CACNA1C: variants seen among roughly 807,000 people sequenced by gnomAD.
The protein encoded by CACNA1C is voltage-dependent L-type calcium channel subunit alpha-1C.
A neutral mutation model predicts 229.0 loss-of-function variants in CACNA1C; 30 were observed. That is an observed-to-expected ratio of 0.13 (90% CI 0.10 to 0.18). CACNA1C has a LOEUF of 0.18. Ranked by LOEUF, CACNA1C falls within the 10% of genes least tolerant of loss-of-function variation. The pLI, the probability that CACNA1C is intolerant of heterozygous loss-of-function variation, is 1.00. For synonymous variants in CACNA1C, 1,114 were observed against 1,132.5 expected, an observed-to-expected ratio of 0.98 and a Z score of 0.33; for missense variants, 1,658 against 2,845.0, an observed-to-expected ratio of 0.58 and a Z score of 9.49.
At chr12:2,025,043 T>C (rs531366805) in intron 1 of CACNA1C, among the ~76,000 whole-genome samples, 1 of 152,320 alleles carries the variant, frequency 6.6e-6, no homozygotes, top group Non-Finnish European at 1.5e-5. Context: ...TTTGTCACAG[T>C]GGAGGCTCCA....
chr12:2,534,952 T>C (rs2099849636), intron 9 of CACNA1C, among the ~76,000 whole-genome samples: 1 of 152,204 alleles, frequency 6.6e-6, no homozygotes, highest in Non-Finnish European at 1.5e-5. Context: ...CCTTTAGACA[T>C]GATCCTGAGC....
At chr12:2,205,287 A>G (rs1055911161) in intron 3 of CACNA1C, among the ~76,000 whole-genome samples, 3 of 152,210 alleles carry the variant, frequency 2.0e-5, no homozygotes, top group Non-Finnish European at 4.4e-5. Flanking sequence ...CTGAGAGGCC[A>G]GGTGTCCACA....
intron 5 of CACNA1C, among the ~76,000 whole-genome samples, chr12:2,476,314 G>T (rs923379516): frequency 2.6e-5 from 4 of 152,212 alleles, no homozygotes; most frequent in East Asian, 3.8e-4. Context: ...CCTGGATAAT[G>T]GCTAAGGAAT....
intron 3 of CACNA1C, among the ~76,000 whole-genome samples, chr12:2,222,761 C>T (rs937705199): frequency 3.3e-5 from 5 of 152,132 alleles, no homozygotes; most frequent in Admixed American, 6.5e-5. Flanking sequence ...GAGTGGCAGG[C>T]GGCTCTCAAG....
chr12:2,194,558 C>T (rs917850444), intron 3 of CACNA1C, among the ~76,000 whole-genome samples: 1 of 152,106 alleles, frequency 6.6e-6, no homozygotes, highest in Non-Finnish European at 1.5e-5. Context: ...GATGACTTTG[C>T]TCTTGGGTCT....
Position 2,072,230 on chromosome 12 carries a change from G to A in CACNA1C, c.49+18619G>A, listed in dbSNP as rs185393272. On this transcript the variant is annotated intron_variant, in intron 1 of 46. Transcript: ENST00000399655. ...TATATATATTTGGAAACAGAGTCTC[G>A]CTGTGTCACCCAGGCTGGAGTGCAG... Among the ~76,000 whole-genome samples the A allele has an allele frequency of 1.4e-3, 211 of 151,586 alleles. 1 individual carries two copies. Among genetic ancestry groups the A allele is most frequent in the Middle Eastern group, 7.0e-3 (2 of 286 alleles).
At chr12:2,383,499 C>G (rs906049367) in intron 3 of CACNA1C, among the ~76,000 whole-genome samples, 2 of 152,048 alleles carry the variant, frequency 1.3e-5, no homozygotes, top group South Asian at 2.1e-4. Context: ...TTCAACCCTA[C>G]GATAAACCAG....
At chr12:2,086,112 A>T (rs1345987099) in intron 1 of CACNA1C, among the ~76,000 whole-genome samples, 1 of 151,926 alleles carries the variant, frequency 6.6e-6, no homozygotes, top group African/African-American at 2.4e-5. Context: ...AAAACTCATC[A>T]CTACATGGTA....
chr12:2,062,555 G>C (rs982873712), intron 1 of CACNA1C, among the ~76,000 whole-genome samples: 12 of 152,326 alleles, frequency 7.9e-5, no homozygotes, highest in African/African-American at 2.9e-4. Context: ...GATTTGCCTT[G>C]TGGAAGCTCA....
rs1409860214 is a variant in CACNA1C at position 2,593,254 on chromosome 12, C to T, written c.2572C>T (p.Arg858Cys). The T allele has an allele frequency of 6.2e-7, 1 of 1,613,622 alleles. No individual in the cohort carries two copies. The highest frequency in any genetic ancestry group is 1.3e-5 in the African/African-American group (1 of 74,928). ...EEEPEMPVGP[R>C]PRPLSELHLK... Reference sequence around the variant, plus strand: ...GGAGCCAGAGATGCCTGTCGGCCCTCGCCCACGACCACTCTCTGAGCTTCA... The same window carrying T: ...GGAGCCAGAGATGCCTGTCGGCCCTTGCCCACGACCACTCTCTGAGCTTCA... Residue 858 changes from arginine to cysteine, a missense_variant, in exon 19 of 47, where the codon CGC (arginine) becomes TGC (cysteine). Arg to Cys is a radical substitution (Grantham distance 180). Coordinates refer to ENST00000399655, the MANE Select transcript of CACNA1C (RefSeq NM_000719.7).
chr12:1,975,825 C>T lies in CACNA1C; in HGVS notation c.139+4624C>T, dbSNP rs572557891. Among the ~76,000 whole-genome samples, 7 of 152,242 alleles carry T rather than the reference C, an allele frequency of 4.6e-5. 1 individual carries two copies. Among genetic ancestry groups the T allele is most frequent in the African/African-American group, 1.4e-4 (6 of 41,544 alleles). On this transcript the variant is annotated intron_variant, in intron 1 of 46. Coordinates refer to the CACNA1C transcript ENST00000682462. ...CTCAGCATGTCAGATTGTTAAGTTA[C>T]ATAAGAAATGTATATATTCACATGA... is the stretch of plus-strand genomic sequence containing the variant.
intron 1 of CACNA1C, among the ~76,000 whole-genome samples, chr12:2,012,286 G>A (rs1055523395): frequency 2.0e-5 from 3 of 152,160 alleles, no homozygotes; most frequent in African/African-American, 4.8e-5. Context: ...GGTCCCTCAA[G>A]CCTATCATAA....
In CACNA1C at chr12:2,246,175, C is replaced by T. The variant is rs1360279219; in HGVS notation, c.477+125745C>T. Among the ~76,000 whole-genome samples the T allele has an allele frequency of 3.9e-5, 6 of 152,248 alleles. No individual in the cohort carries two copies. The East Asian group carries it at 7.7e-4, about 20-fold the overall frequency. ...CGGCAGCAAACAGCACAGGGCATGG[C>T]GTGGGGACAGTTAAGGTGAACAGTG... On this transcript the variant is annotated intron_variant, in intron 3 of 46. Transcript: ENST00000399655.
In CACNA1C at chr12:2,577,355, T is replaced by C. The variant is rs530604990; in HGVS notation, c.1896-4235T>C. 2.7e-4 allele frequency among the ~76,000 whole-genome samples: 41 copies of C among 152,338 alleles called. 1 individual carries two copies. The South Asian group carries it at 8.5e-3, about 32-fold the overall frequency. ...ACTGGGACCAGTGAATTTGAGAATG[T>C]GAGTTCTTCCCCAAAGGTGACACAT... On this transcript the variant is annotated intron_variant, in intron 13 of 46. Transcript: ENST00000399655.
intron 29 of CACNA1C, among the ~76,000 whole-genome samples, chr12:2,625,705 C>T (rs1475045819): frequency 6.6e-6 from 1 of 151,636 alleles, no homozygotes; most frequent in Non-Finnish European, 1.5e-5. Flanking sequence ...AATCCCAGCA[C>T]TTTAGGAGGC....
chr12:2,114,548 C>T (rs1458834222), intron 1 of CACNA1C, among the ~76,000 whole-genome samples: 20 of 152,204 alleles, frequency 1.3e-4, no homozygotes, highest in Admixed American at 1.3e-3. Context: ...AAAACCATCA[C>T]AGCTCCCCTG....
At chr12:2,291,550 T>G (rs142411086) in intron 3 of CACNA1C, among the ~76,000 whole-genome samples, 30 of 152,364 alleles carry the variant, frequency 2.0e-4, no homozygotes, top group African/African-American at 7.0e-4. Flanking sequence ...CTGGAGCTTT[T>G]GTTCGGTCTT....
At position 2,633,708 on chromosome 12, in the gene CACNA1C, C is replaced by T; in HGVS notation, c.3829-589C>T. On this transcript the variant is annotated intron_variant, in intron 29 of 46. Transcript: ENST00000399655. This position sits in a 1 kb window ranked among gnomAD's most constrained non-coding sequence, Gnocchi z 5.8. ...ATAATTGACGTCATTCTCAGTGAGA[C>T]TAATGTGAGTATTACTCTGCCCTCC... is the stretch of plus-strand genomic sequence containing the variant. 6.3e-7 allele frequency: 1 copy of T among 1,579,340 alleles called. No homozygotes were observed. Among genetic ancestry groups the T allele is most frequent in the Non-Finnish European group, 8.7e-7 (1 of 1,148,354 alleles).
chr12:2,009,173 G>A (rs2043976573), intron 1 of CACNA1C, among the ~76,000 whole-genome samples: 2 of 152,122 alleles, frequency 1.3e-5, no homozygotes, highest in African/African-American at 4.8e-5. Flanking sequence ...GTCATTATGA[G>A]ATTAAACATA....
Sources: allele counts gnomAD v4.1 joint callset (sites outside exome capture counted in the v4.1 genomes callset), GRCh38; gene constraint gnomAD v4.1.1; non-coding constraint Gnocchi (gnomAD v3.1); transcripts MANE v1.5; gene names NCBI Gene and HGNC (gene_info 2026-07-23, HGNC 2026-07-21).